PLXNA2: variants seen among roughly 807,000 people sequenced by gnomAD.
PLXNA2 encodes plexin-A2.
Under a neutral mutation model 193.5 loss-of-function variants are expected in PLXNA2, and 91 were observed. That is an observed-to-expected ratio of 0.47 (90% CI 0.40 to 0.56). PLXNA2 has a LOEUF of 0.56. Ranked by LOEUF, PLXNA2 falls within the 20% of genes least tolerant of loss-of-function variation. PLXNA2 has a pLI of 0.00. For missense variants in PLXNA2, 1,995 were observed against 2,503.2 expected (o/e 0.80, Z 4.33); for synonymous variants, 997 against 1,027.3 (o/e 0.97, Z 0.56).
chr1:208,128,203 C>A (rs1229564569), intron 4 of PLXNA2, among the ~76,000 whole-genome samples: 1 of 152,218 alleles, frequency 6.6e-6, no homozygotes, highest in African/African-American at 2.4e-5. Flanking sequence ...GGCAAATGAG[C>A]CTCCACAGTT....
intron 12 of PLXNA2, among the ~76,000 whole-genome samples, chr1:208,075,941 C>G (rs1375341664): frequency 6.6e-6 from 1 of 151,600 alleles, no homozygotes; most frequent in African/African-American, 2.4e-5. Context: ...GCCTGTTGTC[C>G]CAGCTACTCA....
At chr1:208,124,339 C>A (rs1667895330) in intron 4 of PLXNA2, among the ~76,000 whole-genome samples, 1 of 152,066 alleles carries the variant, frequency 6.6e-6, no homozygotes, top group South Asian at 2.1e-4. Context: ...ACCTAAATAA[C>A]AAACCTGCAT....
chr1:208,139,980 A>G (rs1007491926), intron 4 of PLXNA2, among the ~76,000 whole-genome samples: 6 of 152,170 alleles, frequency 3.9e-5, no homozygotes, highest in African/African-American at 1.4e-4. Flanking sequence ...TCACAGCTCC[A>G]TCTGGTACAG....
intron 13 of PLXNA2, among the ~76,000 whole-genome samples, chr1:208,060,170 A>G (rs1355234819): frequency 6.6e-6 from 1 of 152,152 alleles, no homozygotes; most frequent in Non-Finnish European, 1.5e-5. Context: ...AAATTGGAAC[A>G]TATGTCACTC....
At chr1:208,043,322 C>T (rs1039643084) in intron 20 of PLXNA2, 119 bp from the exon 21 acceptor site, 17 of 908,816 alleles carry the variant, frequency 1.9e-5, no homozygotes, top group African/African-American at 9.9e-5. Context: ...CTGAGGATTA[C>T]GGGAGTGTGT....
intron 3 of PLXNA2, among the ~76,000 whole-genome samples, chr1:208,198,103 G>A (rs1169619401): frequency 1.3e-5 from 2 of 152,166 alleles, no homozygotes; most frequent in African/African-American, 4.8e-5. Context: ...TCATAGCAAT[G>A]ATTAGTGTCA....
In PLXNA2 at chr1:208,038,723, G is replaced by T. The variant is rs926603787; in HGVS notation, c.4660+102C>A. 2 of 1,265,734 alleles carry T rather than the reference G, an allele frequency of 1.6e-6. No homozygotes were observed. Among genetic ancestry groups the T allele is most frequent in the African/African-American group, 2.9e-5 (2 of 67,966 alleles). 78.4% of individuals were successfully genotyped at this position (1,265,734 alleles called of 1,614,324 possible). A position where few individuals can be genotyped will look rare whatever the true frequency, so the allele number is the denominator to read the frequency against. ...GAAGCATTTCACACGGGCCTCAGCT[G>T]GCCAGGACACAGTCATGCCCCTGCA... On this transcript the variant is annotated intron_variant, in intron 25 of 31. Transcript: ENST00000367033. The surrounding 1 kb of genome is among the most constrained non-coding windows in gnomAD (Gnocchi z 4.1).
chr1:208,112,578 G>A (rs906246728), intron 4 of PLXNA2, among the ~76,000 whole-genome samples: 35 of 152,216 alleles, frequency 2.3e-4, no homozygotes, highest in African/African-American at 8.4e-4. Flanking sequence ...GAAGGTGGCA[G>A]TGCTAGCATG....
chr1:208,159,602 G>A (rs957702982), intron 3 of PLXNA2, among the ~76,000 whole-genome samples: 1 of 152,240 alleles, frequency 6.6e-6, no homozygotes, highest in Non-Finnish European at 1.5e-5. Context: ...ACAGCCAAGG[G>A]CTGGTCAACT....
intron 9 of PLXNA2, 128 bp from the exon 10 acceptor site, chr1:208,084,708 T>C: frequency 1.3e-6 from 1 of 796,292 alleles, no homozygotes; most frequent in Non-Finnish European, 2.0e-6. Flanking sequence ...GTAAGGCCCG[T>C]GGAATGGGCA....
At chr1:208,105,662 G>A (rs1478690114) in intron 4 of PLXNA2, among the ~76,000 whole-genome samples, 2 of 152,212 alleles carry the variant, frequency 1.3e-5, no homozygotes, top group Non-Finnish European at 2.9e-5. Context: ...GTATCTGCCG[G>A]AGACCTTCTA....
chr1:208,229,974 A>T (rs1303292382), intron 1 of PLXNA2, among the ~76,000 whole-genome samples: 13 of 152,208 alleles, frequency 8.5e-5, no homozygotes, highest in Non-Finnish European at 1.9e-4. Flanking sequence ...TCTATCACTT[A>T]CGAGTCTGGT....
At chr1:208,054,242 G>A (rs904135469) in intron 14 of PLXNA2, among the ~76,000 whole-genome samples, 179 bp downstream of exon 14, 2 of 152,106 alleles carry the variant, frequency 1.3e-5, no homozygotes, top group African/African-American at 4.8e-5. Context: ...ATCTCATCCC[G>A]GAAAGACAGG....
intron 17 of PLXNA2, among the ~76,000 whole-genome samples, chr1:208,047,497 G>A (rs1285303447): frequency 6.6e-6 from 1 of 152,224 alleles, no homozygotes; most frequent in East Asian, 1.9e-4. Context: ...CAGCCAGACT[G>A]CAGAAACCAC....
intron 2 of PLXNA2, among the ~76,000 whole-genome samples, chr1:208,215,458 T>G (rs1671094367): frequency 6.6e-6 from 1 of 151,334 alleles, no homozygotes; most frequent in Non-Finnish European, 1.5e-5. Context: ...GGTAGACAAA[T>G]GGATGATGGA....
At chr1:208,066,132 T>A (rs1258496731) in intron 12 of PLXNA2, among the ~76,000 whole-genome samples, 1 of 152,172 alleles carries the variant, frequency 6.6e-6, no homozygotes, top group African/African-American at 2.4e-5. Context: ...GATCTTTGGA[T>A]ACTGACTCAT....
Position 208,217,876 on chromosome 1 carries a change from C to CGGCT in PLXNA2, c.43_46dup (p.Arg16GlnfsTer30), listed in dbSNP as rs1359564669. The CGGCT allele has an allele frequency of 6.2e-7, 1 of 1,612,662 alleles. No homozygotes were observed. Among genetic ancestry groups the CGGCT allele is most frequent in the African/African-American group, 1.3e-5 (1 of 74,890 alleles). ...GACCACTGAGAGCAGGACCACAGAG[C>CGGCT]GGCTGTCCACCTCCAGGGCCCGGGG... On this transcript the variant is annotated frameshift_variant, in exon 2 of 32. Coordinates refer to ENST00000367033, the MANE Select transcript of PLXNA2 (RefSeq NM_025179.4). LOFTEE classifies it high-confidence loss of function. The surrounding 1 kb of genome is among the most constrained non-coding windows in gnomAD (Gnocchi z 4.7).
intron 28 of PLXNA2, 62 bp downstream of exon 28, chr1:208,033,257 G>T: frequency 7.0e-7 from 1 of 1,432,082 alleles, no homozygotes; most frequent in Non-Finnish European, 9.7e-7. Flanking sequence ...TTTCTGTGTT[G>T]TGGAGGGGCA....
Position 208,168,724 on chromosome 1 carries a change from G to GTTTT in PLXNA2, c.1372-26265_1372-26262dup, listed in dbSNP as rs10668701. Reference sequence around the variant, plus strand: ...AAAAAGAAGACAAAGAGTATGCGGGGTTTTTTTTTTTTTTTTTTTTTTTTT... The same window carrying GTTTT: ...AAAAAGAAGACAAAGAGTATGCGGGGTTTTTTTTTTTTTTTTTTTTTTTTTTTTT... On this transcript the variant is annotated intron_variant, in intron 3 of 31. Transcript: ENST00000367033. Among the ~76,000 whole-genome samples, 323 of 73,166 alleles carry GTTTT rather than the reference G, an allele frequency of 4.4e-3. 30 individuals carry two copies. The highest frequency in any genetic ancestry group is 0.026 in the East Asian group (53 of 2,076). 48.0% of individuals were successfully genotyped at this position (73,166 alleles called of 152,430 possible).
Sources: allele counts gnomAD v4.1 joint callset (sites outside exome capture counted in the v4.1 genomes callset), GRCh38; gene constraint gnomAD v4.1.1; non-coding constraint Gnocchi (gnomAD v3.1); transcripts MANE v1.5; gene names NCBI Gene and HGNC (gene_info 2026-07-23, HGNC 2026-07-21).